MED26: variants seen among roughly 807,000 people sequenced by gnomAD.
MED26 encodes the protein mediator complex subunit 26.
Under a neutral mutation model 43.7 loss-of-function variants are expected in MED26, and 7 were observed. That is an observed-to-expected ratio of 0.16 (90% CI 0.09 to 0.30). The LOEUF is 0.30. MED26 is among the 10% of genes least tolerant of loss of function. The pLI, the probability that MED26 is intolerant of heterozygous loss-of-function variation, is 1.00. For missense variants in MED26, 784 were observed against 840.6 expected, an observed-to-expected ratio of 0.93 and a Z score of 0.83; for synonymous variants, 375 against 371.1, an observed-to-expected ratio of 1.01 and a Z score of -0.12.
chr19:16,595,675 G>T (rs916082933), intron 1 of MED26, among the ~76,000 whole-genome samples: 1 of 152,170 alleles, frequency 6.6e-6, no homozygotes, highest in Non-Finnish European at 1.5e-5. Flanking sequence ...TTTCCTGGGT[G>T]ACTTTCCCGT....
At chr19:16,622,190 C>A (rs898341839) in intron 1 of MED26, among the ~76,000 whole-genome samples, 1 of 152,192 alleles carries the variant, frequency 6.6e-6, no homozygotes, top group Non-Finnish European at 1.5e-5. Context: ...AAATAAGGCA[C>A]GGGGAGAACT....
intron 1 of MED26, among the ~76,000 whole-genome samples, chr19:16,619,897 G>A (rs1047902681): frequency 6.6e-6 from 1 of 152,210 alleles, no homozygotes; most frequent in Non-Finnish European, 1.5e-5. Flanking sequence ...AATCTGGGGG[G>A]ATGTGTGTCC....
At chr19:16,623,450 AAG>A (rs1359400461) in intron 1 of MED26, among the ~76,000 whole-genome samples, 2 of 152,212 alleles carry the variant, frequency 1.3e-5, no homozygotes, top group Non-Finnish European at 2.9e-5. Flanking sequence ...ATGGCATTTT[AAG>A]TTAATATCAA....
At chr19:16,614,141 C>T (rs181766490) in intron 1 of MED26, among the ~76,000 whole-genome samples, 66 of 152,246 alleles carry the variant, frequency 4.3e-4, no homozygotes, top group African/African-American at 1.4e-3. Flanking sequence ...GACTGAGGCT[C>T]GGAGACATTA....
At chr19:16,608,120 G>A (rs193246951) in intron 1 of MED26, among the ~76,000 whole-genome samples, 16 of 152,342 alleles carry the variant, frequency 1.1e-4, no homozygotes, top group South Asian at 4.1e-4. Flanking sequence ...TTCTGGGGCC[G>A]CGAGCCTTCA....
At chr19:16,608,033 G>C (rs931227384) in intron 1 of MED26, among the ~76,000 whole-genome samples, 9 of 152,244 alleles carry the variant, frequency 5.9e-5, no homozygotes, top group African/African-American at 2.2e-4. Context: ...GCAGGCCAAG[G>C]GGCACCAGGG....
intron 1 of MED26, among the ~76,000 whole-genome samples, chr19:16,623,697 C>T (rs2086261420): frequency 2.0e-5 from 3 of 152,144 alleles, no homozygotes; most frequent in Admixed American, 2.0e-4. Flanking sequence ...ACAGGATCCT[C>T]ACACGTTTTC....
At chr19:16,601,434 T>A (rs986899417) in intron 1 of MED26, among the ~76,000 whole-genome samples, 1 of 152,158 alleles carries the variant, frequency 6.6e-6, no homozygotes, top group Non-Finnish European at 1.5e-5. Context: ...GGATTACAGG[T>A]GTGTGCCACC....
chr19:16,596,530 G>A (rs950993203), intron 1 of MED26, among the ~76,000 whole-genome samples: 3 of 152,176 alleles, frequency 2.0e-5, no homozygotes, highest in Non-Finnish European at 2.9e-5. Context: ...CAGACAACTC[G>A]GCTGCACGCT....
chr19:16,577,327 G>C lies in MED26; in HGVS notation c.503C>G (p.Ala168Gly). ...GTTGGGGACCAGGGGGTCGTGGCTA[G>C]CTTTGGAGACCTTGGGTGGCGGCCC... is the stretch of plus-strand genomic sequence containing the variant. ...HPGPPPKVSK[A>G]SHDPLVPNSS... Residue 168 changes from alanine to glycine, a missense_variant, in exon 3 of 3, where the codon GCT becomes GGT. Around this residue, in one of 3 missense-constraint regions of MED26, gnomAD observed 719 missense variants for 730.9 expected, o/e 0.98. Transcript: ENST00000263390. The surrounding 1 kb of genome is among the most constrained non-coding windows in gnomAD (Gnocchi z 8.1). The C allele has an allele frequency of 6.2e-7, 1 of 1,612,116 alleles. No individual in the cohort carries two copies. Among genetic ancestry groups the C allele is most frequent in the South Asian group, 1.1e-5 (1 of 91,066 alleles).
chr19:16,584,303 C>A (rs541299950), intron 1 of MED26, among the ~76,000 whole-genome samples: 2 of 131,890 alleles, frequency 1.5e-5, no homozygotes, highest in Admixed American at 7.0e-5. Context: ...TGCCCCCCCC[C>A]GCCCCGCCAA....
chr19:16,609,777 A>G (rs1399617557), intron 1 of MED26, among the ~76,000 whole-genome samples: 15 of 152,014 alleles, frequency 9.9e-5, no homozygotes, highest in Admixed American at 9.8e-4. Context: ...ATGCCAACTC[A>G]TAAATTTTTC....
chr19:16,613,244 T>C (rs1318752698), intron 1 of MED26, among the ~76,000 whole-genome samples: 2 of 152,236 alleles, frequency 1.3e-5, no homozygotes, highest in Admixed American at 6.5e-5. Flanking sequence ...TCCATCTTTC[T>C]TTCTTTGGGA....
intron 1 of MED26, chr19:16,611,758 A>G (rs1247006815): frequency 1.3e-5 from 2 of 152,100 alleles, no homozygotes; most frequent in African/African-American, 2.4e-5. Context: ...GCTATAGGCT[A>G]TTTGACTCTG....
chr19:16,592,524 A>G (rs1246432921), intron 1 of MED26, among the ~76,000 whole-genome samples: 1 of 152,190 alleles, frequency 6.6e-6, no homozygotes, highest in African/African-American at 2.4e-5. Context: ...GAGCTCCCAG[A>G]GGATGTTAGC....
In MED26 at chr19:16,575,961, C is replaced by G; in HGVS notation, c.*66G>C. Reference sequence around the variant, plus strand: ...GAGGCAGCTGGGCCCCGGCCACCTGCCCACCTGCCTGCCCGCCCACCCGGC... The same window carrying G: ...GAGGCAGCTGGGCCCCGGCCACCTGGCCACCTGCCTGCCCGCCCACCCGGC... On this transcript the variant is annotated 3_prime_UTR_variant, in exon 3 of 3. Transcript: ENST00000263390. The G allele has an allele frequency of 6.7e-7, 1 of 1,498,620 alleles. No individual in the cohort carries two copies. Among genetic ancestry groups the G allele is most frequent in the Non-Finnish European group, 9.1e-7 (1 of 1,104,188 alleles). The allele number at this position is 1,498,620 out of a possible 1,614,324, so 92.8% of individuals were successfully genotyped here.
At chr19:16,627,077 G>A (rs1033589883) in intron 1 of MED26, among the ~76,000 whole-genome samples, 3 of 152,198 alleles carry the variant, frequency 2.0e-5, no homozygotes, top group Non-Finnish European at 4.4e-5. Flanking sequence ...GAGACCCCCA[G>A]GTGAGGGAAA....
chr19:16,577,731 C>T lies in MED26; in HGVS notation c.148-49G>A. ...CATACTTTCGGGACAGGAACTTCTC[C>T]ATGAGCTGAGCCAGAAATGGTGGGA... On this transcript the variant is annotated intron_variant, in intron 2 of 2. Transcript: ENST00000263390. The surrounding 1 kb of genome is among the most constrained non-coding windows in gnomAD (Gnocchi z 8.1). 1.4e-6 allele frequency: 2 copies of T among 1,459,394 alleles called. No homozygotes were observed. The highest frequency in any genetic ancestry group is 1.9e-6 in the Non-Finnish European group (2 of 1,080,554). 90.4% of individuals were successfully genotyped at this position (1,459,394 alleles called of 1,614,324 possible).
At chr19:16,580,576 T>C (rs373888434) in intron 1 of MED26, among the ~76,000 whole-genome samples, 3 of 152,134 alleles carry the variant, frequency 2.0e-5, no homozygotes, top group South Asian at 2.1e-4. Context: ...TTTCACCATG[T>C]TGAAGGCTGG....
Sources: allele counts gnomAD v4.1 joint callset (sites outside exome capture counted in the v4.1 genomes callset), GRCh38; gene constraint gnomAD v4.1.1; regional missense constraint gnomAD v4.1.1; non-coding constraint Gnocchi (gnomAD v3.1); transcripts MANE v1.5; gene names NCBI Gene and HGNC (gene_info 2026-07-23, HGNC 2026-07-21).